The following HS6ST3 variants were observed in gnomAD, a reference collection of about 807,000 sequenced individuals.
HS6ST3 encodes heparan-sulfate 6-O-sulfotransferase 3.
In HS6ST3, 12 loss-of-function variants were observed where a neutral mutation model predicts 36.7. That is an observed-to-expected ratio of 0.33 (90% confidence interval 0.21 to 0.53). HS6ST3 has a LOEUF of 0.53. Among genes scored for constraint, HS6ST3 ranks in the 20% least tolerant of loss-of-function variants. The pLI is 0.95. For synonymous variants in HS6ST3, 240 were observed against 257.5 expected, an observed-to-expected ratio of 0.93 and a Z score of 0.65; for missense variants, 584 against 640.9, an observed-to-expected ratio of 0.91 and a Z score of 0.96.
At chr13:96,364,214 C>A (rs1419550946) in intron 1 of HS6ST3, among the ~76,000 whole-genome samples, 1 of 152,072 alleles carries the variant, frequency 6.6e-6, no homozygotes, top group East Asian at 1.9e-4. Context: ...CCATGGAAAA[C>A]AGTTTGATGA....
intron 1 of HS6ST3, among the ~76,000 whole-genome samples, chr13:96,298,985 T>A (rs576600068): frequency 2.0e-4 from 31 of 152,320 alleles, no homozygotes; most frequent in African/African-American, 7.2e-4. Flanking sequence ...TATTTAACTT[T>A]TAGGTAAGCT....
In HS6ST3 at chr13:96,276,024, A is replaced by G. The variant is rs548162036; in HGVS notation, c.707+184455A>G. On this transcript the variant is annotated intron_variant, in intron 1 of 1. Coordinates refer to ENST00000376705, the MANE Select transcript of HS6ST3 (RefSeq NM_153456.4). ...CCATTAGGACTTGCCCTCTGTTCCC[A>G]TCATGCCTTGCCTCTCCCATATGCC... is the stretch of plus-strand genomic sequence containing the variant. 1.3e-4 allele frequency among the ~76,000 whole-genome samples: 20 copies of G among 152,136 alleles called. No individual in the cohort carries two copies. In the South Asian group the frequency reaches 3.9e-3, roughly 30 times the overall value.
intron 1 of HS6ST3, among the ~76,000 whole-genome samples, chr13:96,609,357 G>A (rs918778962): frequency 5.9e-5 from 9 of 152,162 alleles, no homozygotes; most frequent in African/African-American, 1.7e-4. Flanking sequence ...AAATTATAAA[G>A]AGAGGTTTTC....
intron 1 of HS6ST3, among the ~76,000 whole-genome samples, chr13:96,180,499 C>A (rs1171276231): frequency 6.6e-6 from 1 of 150,694 alleles, no homozygotes. Context: ...AGAAAGACAG[C>A]AAAATAAATA....
At chr13:96,561,928 G>A (rs1014973705) in intron 1 of HS6ST3, among the ~76,000 whole-genome samples, 2 of 152,132 alleles carry the variant, frequency 1.3e-5, no homozygotes, top group Non-Finnish European at 2.9e-5. Context: ...CAGTGTTGGT[G>A]GAAATGTAAA....
intron 1 of HS6ST3, among the ~76,000 whole-genome samples, chr13:96,753,402 G>T (rs1876745719): frequency 6.6e-6 from 1 of 152,022 alleles, no homozygotes. Context: ...ATTCAGTAAA[G>T]TTGTAAAATT....
chr13:96,525,194 A>C (rs1310905863), intron 1 of HS6ST3, among the ~76,000 whole-genome samples: 1 of 151,896 alleles, frequency 6.6e-6, no homozygotes, highest in Non-Finnish European at 1.5e-5. Context: ...TTGACCTTCA[A>C]CCTCTCTCCT....
At chr13:96,376,075 A>G (rs1412520556) in intron 1 of HS6ST3, among the ~76,000 whole-genome samples, 1 of 152,166 alleles carries the variant, frequency 6.6e-6, no homozygotes, top group African/African-American at 2.4e-5. Flanking sequence ...CGAATGATCA[A>G]CATAATCCAG....
chr13:96,524,581 C>A (rs1290763742), intron 1 of HS6ST3, among the ~76,000 whole-genome samples: 1 of 152,362 alleles, frequency 6.6e-6, no homozygotes, highest in African/African-American at 2.4e-5. Flanking sequence ...CAAGCCTCAG[C>A]AATGGCAGAT....
chr13:96,586,438 G>A (rs1260785045), intron 1 of HS6ST3, among the ~76,000 whole-genome samples: 2 of 152,030 alleles, frequency 1.3e-5, no homozygotes, highest in African/African-American at 4.8e-5. Context: ...TGGGACTACA[G>A]GCATGCACCA....
At chr13:96,260,402 C>G (rs1434042570) in intron 1 of HS6ST3, among the ~76,000 whole-genome samples, 1 of 151,886 alleles carries the variant, frequency 6.6e-6, no homozygotes, top group East Asian at 1.9e-4. Context: ...AGCTCTGCCT[C>G]CTGGGTTCAA....
chr13:96,301,898 T>A (rs1004593570), intron 1 of HS6ST3, among the ~76,000 whole-genome samples: 1 of 137,764 alleles, frequency 7.3e-6, no homozygotes, highest in Non-Finnish European at 1.6e-5. Context: ...AGACTCCATC[T>A]ATAATAATAA....
chr13:96,592,572 C>T (rs1368859519), intron 1 of HS6ST3, among the ~76,000 whole-genome samples: 1 of 152,148 alleles, frequency 6.6e-6, no homozygotes, highest in Non-Finnish European at 1.5e-5. Flanking sequence ...GACTAAAATA[C>T]TCCCTTTAGC....
At chr13:96,778,987 C>T (rs1877460406) in intron 1 of HS6ST3, among the ~76,000 whole-genome samples, 1 of 152,048 alleles carries the variant, frequency 6.6e-6, no homozygotes, top group African/African-American at 2.4e-5. Context: ...TACTATGCAG[C>T]CTTAAAAAAG....
At chr13:96,636,835 T>C (rs1284670269) in intron 1 of HS6ST3, among the ~76,000 whole-genome samples, 1 of 152,128 alleles carries the variant, frequency 6.6e-6, no homozygotes, top group Non-Finnish European at 1.5e-5. Context: ...TGAATTTATA[T>C]ATATTTGGAG....
At chr13:96,097,705 G>C (rs892349560) in intron 1 of HS6ST3, among the ~76,000 whole-genome samples, 1 of 152,152 alleles carries the variant, frequency 6.6e-6, no homozygotes, top group Non-Finnish European at 1.5e-5. Context: ...AATTATAGCT[G>C]AGCATTCATG....
At position 96,610,535 on chromosome 13, in the gene HS6ST3, C is replaced by T. The variant is rs945026388; in HGVS notation, c.708-221955C>T. Among the ~76,000 whole-genome samples the T allele has an allele frequency of 3.9e-5, 6 of 152,254 alleles. No homozygotes were observed. The East Asian group carries it at 5.8e-4, about 15-fold the overall frequency. On this transcript the variant is annotated intron_variant, in intron 1 of 1. Coordinates refer to ENST00000376705, the MANE Select transcript of HS6ST3 (RefSeq NM_153456.4). Reference sequence around the variant, plus strand: ...AATTAGTCGCTAACTTTTAAATGTACGTTGGCTTCTTTCTTTGTTCCTTCC... The same window carrying T: ...AATTAGTCGCTAACTTTTAAATGTATGTTGGCTTCTTTCTTTGTTCCTTCC...
chr13:96,254,433 AAAAAAAAAAAAAAAAATATATATAT>A (rs2054623103), intron 1 of HS6ST3, among the ~76,000 whole-genome samples: 1 of 58,430 alleles, frequency 1.7e-5, no homozygotes, highest in African/African-American at 6.9e-5. Context: ...AAAAAAAAAA[AAAAAAAAAAAAAAAAATATATATAT>A]ATATATATAT....
chr13:96,118,593 G>T (rs1369538312), intron 1 of HS6ST3, among the ~76,000 whole-genome samples: 1 of 134,010 alleles, frequency 7.5e-6, no homozygotes, highest in Admixed American at 8.1e-5. Context: ...TGAAAGGAGA[G>T]ATAGGAAAAA....
Sources: gnomAD v4.1 joint callset for allele counts (sites outside exome capture counted in the v4.1 genomes callset) on GRCh38, gnomAD v4.1.1 for gene constraint, MANE v1.5 for transcripts, NCBI Gene and HGNC (gene_info 2026-07-23, HGNC 2026-07-21) for gene names.